The following CAMTA1 variants were observed in gnomAD, a reference collection of about 807,000 sequenced individuals.
CAMTA1 encodes the protein calmodulin binding transcription activator 1.
A neutral mutation model predicts 170.9 loss-of-function variants in CAMTA1; 27 were observed. That is an observed-to-expected ratio of 0.16 (90% CI 0.12 to 0.22). CAMTA1 has a LOEUF of 0.22. Among genes scored for constraint, CAMTA1 ranks in the 10% least tolerant of loss-of-function variants. The probability of loss-of-function intolerance (pLI) is 1.00; values close to 1 mark genes in which losing one functional copy is unlikely to be tolerated. For synonymous variants in CAMTA1, 833 were observed against 891.5 expected (o/e 0.93, Z 1.17); for missense variants, 1,619 against 2,217.2 (o/e 0.73, Z 5.42).
intron 4 of CAMTA1, among the ~76,000 whole-genome samples, chr1:7,165,931 T>A (rs1283650359): frequency 6.6e-6 from 1 of 152,226 alleles, no homozygotes. Context: ...ATAGGTATTA[T>A]GTATCTTACA....
At chr1:6,983,760 G>A (rs1694830263) in intron 3 of CAMTA1, among the ~76,000 whole-genome samples, 1 of 151,696 alleles carries the variant, frequency 6.6e-6, no homozygotes, top group Non-Finnish European at 1.5e-5. Context: ...AGGGTTGGGT[G>A]GGTAGATGGA....
chr1:7,204,049 A>G (rs1558243568), intron 4 of CAMTA1, among the ~76,000 whole-genome samples: 2 of 151,784 alleles, frequency 1.3e-5, no homozygotes, highest in Non-Finnish European at 2.9e-5. Flanking sequence ...TGTGTTAGCC[A>G]AGATGGTCTC....
At chr1:6,926,433 C>T (rs1056213267) in intron 3 of CAMTA1, among the ~76,000 whole-genome samples, 3 of 123,890 alleles carry the variant, frequency 2.4e-5, no homozygotes, top group Non-Finnish European at 3.4e-5. Context: ...CTCTTTCTTT[C>T]TTTTCTCTTT....
intron 8 of CAMTA1, 72 bp from the exon 9 acceptor site, chr1:7,663,281 T>G: frequency 6.7e-7 from 1 of 1,484,880 alleles, no homozygotes; most frequent in Non-Finnish European, 9.0e-7. Flanking sequence ...CTGACTCTCT[T>G]TTGTGTGTGC....
chr1:7,582,004 G>A (rs937374374), intron 6 of CAMTA1, among the ~76,000 whole-genome samples: 1 of 152,160 alleles, frequency 6.6e-6, no homozygotes, highest in Non-Finnish European at 1.5e-5. Flanking sequence ...CCGTCTTCTT[G>A]TCTCTCTGCT....
chr1:7,595,828 A>AC (rs1448348944), intron 6 of CAMTA1, among the ~76,000 whole-genome samples: 3 of 151,898 alleles, frequency 2.0e-5, no homozygotes, highest in Non-Finnish European at 4.4e-5. Context: ...CCCTGGCGGA[A>AC]CCCCCCACCC....
chr1:7,490,640 GA>G (rs1457525653), intron 6 of CAMTA1, among the ~76,000 whole-genome samples: 2 of 132,678 alleles, frequency 1.5e-5, no homozygotes, highest in Non-Finnish European at 3.2e-5. Flanking sequence ...TGACGAGAGC[GA>G]AACTCCATCT....
chr1:7,648,181 G>A (rs985357950), intron 7 of CAMTA1, among the ~76,000 whole-genome samples: 1 of 152,144 alleles, frequency 6.6e-6, no homozygotes, highest in African/African-American at 2.4e-5. Context: ...ATCACCTGAG[G>A]TCAGGAGTTT....
chr1:7,045,564 G>A (rs1480726374), intron 3 of CAMTA1, among the ~76,000 whole-genome samples: 1 of 152,116 alleles, frequency 6.6e-6, no homozygotes, highest in Non-Finnish European at 1.5e-5. Flanking sequence ...CATTAGAGCC[G>A]TTACATCCTT....
chr1:7,741,982 A>C (rs1322385675), intron 16 of CAMTA1, among the ~76,000 whole-genome samples: 1 of 149,508 alleles, frequency 6.7e-6, no homozygotes, highest in Admixed American at 6.7e-5. Flanking sequence ...AGGATATACT[A>C]TATGCTACTT....
At chr1:7,026,567 T>C (rs1325871928) in intron 3 of CAMTA1, among the ~76,000 whole-genome samples, 3 of 151,452 alleles carry the variant, frequency 2.0e-5, no homozygotes, top group Non-Finnish European at 4.4e-5. Flanking sequence ...AACAGGAAGA[T>C]AAGGACCGTG....
chr1:7,155,835 C>T (rs985356568), intron 4 of CAMTA1, among the ~76,000 whole-genome samples: 1 of 152,166 alleles, frequency 6.6e-6, no homozygotes, highest in Non-Finnish European at 1.5e-5. Flanking sequence ...ACACATCTCC[C>T]TGCGTTTGCT....
chr1:7,657,247 C>T (rs910896731), intron 7 of CAMTA1, among the ~76,000 whole-genome samples: 2 of 152,180 alleles, frequency 1.3e-5, no homozygotes, highest in African/African-American at 4.8e-5. Context: ...CCTAGGGATA[C>T]AGGTCTCTCT....
At chr1:7,662,095 G>A (rs974331541) in intron 8 of CAMTA1, among the ~76,000 whole-genome samples, 1 of 152,236 alleles carries the variant, frequency 6.6e-6, no homozygotes, top group African/African-American at 2.4e-5. Flanking sequence ...AGGGAGCAGT[G>A]TCCAGAGGGA....
In CAMTA1 at chr1:7,067,579, C is replaced by A. The variant is rs1001767898; in HGVS notation, c.235-23725C>A. Among the ~76,000 whole-genome samples the A allele has an allele frequency of 6.6e-6, 1 of 152,150 alleles. No homozygotes were observed. Among genetic ancestry groups the A allele is most frequent in the Non-Finnish European group, 1.5e-5 (1 of 68,030 alleles). On this transcript the variant is annotated intron_variant, in intron 3 of 22. Coordinates refer to ENST00000303635, the MANE Select transcript of CAMTA1 (RefSeq NM_015215.4). This position sits in a 1 kb window ranked among gnomAD's most constrained non-coding sequence, Gnocchi z 4.3. ...GGAACCATGTTCCTTGCAAGGCATA[C>A]GGCAAAGAACAAGGTAGATAAGTTC...
intron 9 of CAMTA1, among the ~76,000 whole-genome samples, chr1:7,669,685 C>G (rs1028931877): frequency 3.3e-5 from 5 of 152,252 alleles, no homozygotes; most frequent in Non-Finnish European, 7.3e-5. Context: ...AGCTCTCCGC[C>G]CCACTGCAGG....
intron 5 of CAMTA1, among the ~76,000 whole-genome samples, chr1:7,387,130 T>TCC (rs765634601): frequency 6.6e-6 from 1 of 151,928 alleles, no homozygotes; most frequent in African/African-American, 2.4e-5. Context: ...GGCTTCAGTC[T>TCC]CCCCCCTCCA....
intron 4 of CAMTA1, among the ~76,000 whole-genome samples, chr1:7,112,211 C>A (rs1573154829): frequency 6.6e-6 from 1 of 152,160 alleles, no homozygotes; most frequent in Admixed American, 6.5e-5. Context: ...TCTTTGGTCA[C>A]CTCTCACATT....
At chr1:6,881,390 C>T (rs776374300) in intron 3 of CAMTA1, among the ~76,000 whole-genome samples, 2 of 152,114 alleles carry the variant, frequency 1.3e-5, no homozygotes, top group South Asian at 2.1e-4. Flanking sequence ...GAAGCAACAC[C>T]GTGACCACGT....
Sources: gnomAD v4.1 joint callset for allele counts (sites outside exome capture counted in the v4.1 genomes callset) on GRCh38, gnomAD v4.1.1 for gene constraint, Gnocchi (gnomAD v3.1) non-coding constraint, MANE v1.5 for transcripts, NCBI Gene and HGNC (gene_info 2026-07-23, HGNC 2026-07-21) for gene names.